Variants in NF2 observed in about 807,000 individuals in gnomAD.
NF2 encodes the protein NF2, moesin-ezrin-radixin like (MERLIN) tumor suppressor.
In NF2, 8 loss-of-function variants were observed where a neutral mutation model predicts 83.7. The observed-to-expected ratio is 0.10, with a 90% CI of 0.06 to 0.17. The LOEUF (loss-of-function observed/expected upper bound fraction) is 0.17, where lower values mean the gene tolerates loss of function less well. Among genes scored for constraint, NF2 ranks in the 10% least tolerant of loss-of-function variants. NF2 has a pLI of 1.00. For missense variants in NF2, 533 were observed against 744.4 expected (o/e 0.72, Z 3.31); for synonymous variants, 266 against 269.6 (o/e 0.99, Z 0.13).
At chr22:29,683,098 T>C (rs762322303) in intron 15 of NF2, 5 of 1,614,096 alleles carry the variant, frequency 3.1e-6, no homozygotes, top group Non-Finnish European at 4.2e-6. Flanking sequence ...TATGTGGTGA[T>C]GGTGCTGCCC....
chr22:29,673,589 GC>G, intron 12 of NF2, 103 bp downstream of exon 12: 1 of 1,318,624 alleles, frequency 7.6e-7, no homozygotes, highest in Non-Finnish European at 1.1e-6. Context: ...CAAGCTGCTT[GC>G]CCATCTTCTG....
intron 4 of NF2, among the ~76,000 whole-genome samples, chr22:29,653,281 TA>T (rs1295985442): frequency 6.6e-6 from 1 of 151,880 alleles, no homozygotes; most frequent in Non-Finnish European, 1.5e-5. Context: ...CTGTCTCTAC[TA>T]AAAATACAGA....
chr22:29,623,052 G>A (rs2065256611), intron 1 of NF2, among the ~76,000 whole-genome samples: 1 of 147,562 alleles, frequency 6.8e-6, no homozygotes, highest in South Asian at 2.2e-4. Flanking sequence ...CTGGGCTCAA[G>A]TGATTCTCCT....
At chr22:29,614,580 TA>T (rs397868024) in intron 1 of NF2, among the ~76,000 whole-genome samples, 9,233 of 71,280 alleles carry the variant, frequency 0.13, 603 homozygotes, top group African/African-American at 0.29. Flanking sequence ...AGACTCCATC[TA>T]AAAAAAAAAA....
intron 1 of NF2, among the ~76,000 whole-genome samples, chr22:29,630,835 A>G (rs2065490387): frequency 6.6e-6 from 1 of 152,234 alleles, no homozygotes; most frequent in Non-Finnish European, 1.5e-5. Context: ...AATCAGAACC[A>G]GGAGCTGTTC....
At chr22:29,670,370 G>A (rs2066747568) in intron 10 of NF2, among the ~76,000 whole-genome samples, 1 of 151,932 alleles carries the variant, frequency 6.6e-6, no homozygotes, top group Admixed American at 6.6e-5. Flanking sequence ...TATGTAGTAA[G>A]CCACCTTATG....
At position 29,694,606 on chromosome 22, in the gene NF2, G is replaced by A; in HGVS notation, c.1738-146G>A. On this transcript the variant is annotated intron_variant, in intron 15 of 15. Transcript: ENST00000338641. This position sits in a 1 kb window ranked among gnomAD's most constrained non-coding sequence, Gnocchi z 4.1. ...CAAATCTGGCCGCTTATTTGGGACT[G>A]ACAGCCAACTTCTTGAGCATCTATT... The A allele has an allele frequency of 3.7e-6, 3 of 811,826 alleles. No homozygotes were observed. The highest frequency in any genetic ancestry group is 6.3e-6 in the Non-Finnish European group (3 of 473,122). The allele number at this position is 811,826 out of a possible 1,614,324, so 50.3% of individuals were successfully genotyped here.
intron 3 of NF2, among the ~76,000 whole-genome samples, chr22:29,641,992 T>G (rs1429350634): frequency 6.6e-6 from 1 of 152,222 alleles, no homozygotes; most frequent in African/African-American, 2.4e-5. Flanking sequence ...TAAGGGGTTT[T>G]TATGCATAGC....
chr22:29,615,702 T>A (rs144897879), intron 1 of NF2, among the ~76,000 whole-genome samples: 391 of 152,038 alleles, frequency 2.6e-3, no homozygotes, highest in African/African-American at 8.5e-3. Context: ...GGTGCTATAC[T>A]CCAGGCTGGG....
At chr22:29,670,316 CT>C (rs2066745207) in intron 10 of NF2, among the ~76,000 whole-genome samples, 1 of 72,372 alleles carries the variant, frequency 1.4e-5, no homozygotes, top group African/African-American at 4.3e-5. Context: ...TGGGCTTTTT[CT>C]TTCTTTCTTT....
chr22:29,609,847 T>C (rs1417079401), intron 1 of NF2, among the ~76,000 whole-genome samples: 1 of 152,224 alleles, frequency 6.6e-6, no homozygotes, highest in African/African-American at 2.4e-5. Context: ...AAACAATTTT[T>C]TTCTGTATTT....
chr22:29,637,972 TC>T (rs1468046141), intron 2 of NF2, among the ~76,000 whole-genome samples: 3 of 152,230 alleles, frequency 2.0e-5, no homozygotes, highest in African/African-American at 7.2e-5. Flanking sequence ...TTTTCATGAT[TC>T]TTAGCAAAGT....
intron 15 of NF2, chr22:29,683,980 G>A: frequency 1.0e-6 from 1 of 978,038 alleles, no homozygotes; most frequent in Non-Finnish European, 1.2e-6. Flanking sequence ...AGCAGCATAG[G>A]ATGTGTCCTT....
chr22:29,628,520 A>G (rs1203101155), intron 1 of NF2, among the ~76,000 whole-genome samples: 1 of 152,034 alleles, frequency 6.6e-6, no homozygotes, highest in East Asian at 1.9e-4. Flanking sequence ...TGATTGGAGA[A>G]CTGGGAGAAG....
intron 4 of NF2, among the ~76,000 whole-genome samples, chr22:29,643,604 GGGGTAA>G (rs2065877577): frequency 1.3e-5 from 2 of 152,148 alleles, no homozygotes; most frequent in African/African-American, 4.8e-5. Flanking sequence ...CACAGGGTTG[GGGGTAA>G]GGTCACAGAT....
intron 1 of NF2, among the ~76,000 whole-genome samples, chr22:29,632,812 C>T (rs2065550794): frequency 6.6e-6 from 1 of 152,154 alleles, no homozygotes; most frequent in Admixed American, 6.5e-5. Context: ...TAATACTGCC[C>T]TTGTGCTGAG....
At chr22:29,649,743 AAAAAT>A (rs1025502758) in intron 4 of NF2, among the ~76,000 whole-genome samples, 33 of 151,750 alleles carry the variant, frequency 2.2e-4, no homozygotes, top group Non-Finnish European at 3.2e-4. Flanking sequence ...ACTCTGTCTG[AAAAAT>A]AAAATAAAAA....
intron 1 of NF2, among the ~76,000 whole-genome samples, chr22:29,607,658 C>T (rs1337771382): frequency 1.3e-5 from 2 of 152,118 alleles, no homozygotes; most frequent in Admixed American, 6.6e-5. Flanking sequence ...TGGAAAAAAG[C>T]TGGCAGCAGC....
At chr22:29,616,511 G>A (rs900070345) in intron 1 of NF2, among the ~76,000 whole-genome samples, 3 of 152,328 alleles carry the variant, frequency 2.0e-5, no homozygotes, top group East Asian at 1.9e-4. Flanking sequence ...TCGGGAGGCC[G>A]AGGTGGACGG....
Sources: gnomAD v4.1 joint callset for allele counts (sites outside exome capture counted in the v4.1 genomes callset) on GRCh38, gnomAD v4.1.1 for gene constraint, Gnocchi (gnomAD v3.1) non-coding constraint, MANE v1.5 for transcripts, NCBI Gene and HGNC (gene_info 2026-07-23, HGNC 2026-07-21) for gene names.